Variants in SEC14L1 observed in about 807,000 individuals in gnomAD.
SEC14L1 encodes the protein SEC14 like lipid binding 1.
Under a neutral mutation model 85.3 loss-of-function variants are expected in SEC14L1, and 48 were observed. The ratio of observed to expected loss-of-function variants is 0.56; its 90% confidence interval spans 0.45 to 0.72. SEC14L1 has a LOEUF of 0.72. Ranked by LOEUF, SEC14L1 falls within the 30% of genes least tolerant of loss-of-function variation. The pLI, the probability that SEC14L1 is intolerant of heterozygous loss-of-function variation, is 0.00. For synonymous variants in SEC14L1, 391 were observed against 355.5 expected (o/e 1.10, Z -1.12); for missense variants, 682 against 921.4 (o/e 0.74, Z 3.36).
Position 77,154,351 on chromosome 17 carries a change from G to A in SEC14L1, c.63+10692G>A, listed in dbSNP as rs1025404823. ...TAGCTGGGTGTGGTGGCGCATGCCC[G>A]TAGTCTCAGCTACTCAGGAGACTTG... On this transcript the variant is annotated intron_variant, in intron 3 of 16. Coordinates refer to ENST00000436233, the MANE Select transcript of SEC14L1 (RefSeq NM_001143998.2). Among the ~76,000 whole-genome samples, 8 of 152,176 alleles carry A rather than the reference G, an allele frequency of 5.3e-5. No homozygotes were observed. The East Asian group carries it at 7.7e-4, about 15-fold the overall frequency.
intron 3 of SEC14L1, among the ~76,000 whole-genome samples, chr17:77,105,585 AG>A (rs1971896832): frequency 6.6e-6 from 1 of 152,168 alleles, no homozygotes; most frequent in Non-Finnish European, 1.5e-5. Context: ...CTCCTGTGTC[AG>A]GGAGGAAAAA....
intron 3 of SEC14L1, among the ~76,000 whole-genome samples, chr17:77,100,254 C>T (rs1023413471): frequency 2.6e-5 from 4 of 152,208 alleles, no homozygotes; most frequent in Admixed American, 2.0e-4. Context: ...CCTTCTGCAC[C>T]CTCCGAGCAC....
At chr17:77,119,169 G>A (rs1972241631) in intron 3 of SEC14L1, among the ~76,000 whole-genome samples, 1 of 152,012 alleles carries the variant, frequency 6.6e-6, no homozygotes, top group African/African-American at 2.4e-5. Flanking sequence ...AATTAGCCGA[G>A]TGTGGGCATG....
chr17:77,105,035 C>A (rs1971876621), intron 3 of SEC14L1, among the ~76,000 whole-genome samples: 1 of 152,052 alleles, frequency 6.6e-6, no homozygotes, highest in Non-Finnish European at 1.5e-5. Flanking sequence ...AGGAAGGGAG[C>A]TTCCAGGTCA....
Position 77,215,578 on chromosome 17 carries a change from A to C in SEC14L1, c.*1555A>C, listed in dbSNP as rs1225478828. 1.0e-6 allele frequency: 1 copy of C among 986,836 alleles called. No individual in the cohort carries two copies. Among genetic ancestry groups the C allele is most frequent in the Admixed American group, 6.0e-5 (1 of 16,592 alleles). 61.1% of individuals were successfully genotyped at this position (986,836 alleles called of 1,614,324 possible). ...AGCAGCCCTCTTGCCCGGTCGGGTC[A>C]GCCCTAGTGGCTGCCTGCACACTGT... On this transcript the variant is annotated 3_prime_UTR_variant, in exon 17 of 17. Coordinates refer to ENST00000436233, the MANE Select transcript of SEC14L1 (RefSeq NM_001143998.2).
intron 3 of SEC14L1, among the ~76,000 whole-genome samples, chr17:77,100,395 T>TTTTTC (rs1439736027): frequency 3.4e-5 from 5 of 145,864 alleles, no homozygotes; most frequent in African/African-American, 4.9e-5. Context: ...GGCTTTTTCT[T>TTTTTC]TTTTTTTTTT....
chr17:77,206,093 C>A lies in SEC14L1; in HGVS notation c.1170-136C>A. ...TATAAACAGGGTTCATAGCACTATA[C>A]ATAGCACTATAATTTAAAAAAATTG... is the stretch of plus-strand genomic sequence containing the variant. On this transcript the variant is annotated intron_variant, in intron 11 of 16. Coordinates refer to ENST00000436233, the MANE Select transcript of SEC14L1 (RefSeq NM_001143998.2). The surrounding 1 kb of genome is among the most constrained non-coding windows in gnomAD (Gnocchi z 4.3). 1.3e-6 allele frequency: 1 copy of A among 798,638 alleles called. No individual in the cohort carries two copies. Among genetic ancestry groups the A allele is most frequent in the Non-Finnish European group, 2.0e-6 (1 of 507,414 alleles). The allele number at this position is 798,638 out of a possible 1,614,324, so 49.5% of individuals were successfully genotyped here.
chr17:77,171,571 C>T (rs921384354), intron 3 of SEC14L1, among the ~76,000 whole-genome samples: 1 of 152,164 alleles, frequency 6.6e-6, no homozygotes, highest in African/African-American at 2.4e-5. Context: ...ATTATTATGT[C>T]CCTGTGGACT....
intron 13 of SEC14L1, among the ~76,000 whole-genome samples, chr17:77,208,994 T>C (rs1014223484): frequency 8.0e-5 from 10 of 124,398 alleles, no homozygotes; most frequent in Non-Finnish European, 7.9e-5. Flanking sequence ...GCAAAACTCT[T>C]TTCTTAAAGT....
intron 6 of SEC14L1, among the ~76,000 whole-genome samples, chr17:77,194,247 T>C (rs1000947813): frequency 1.3e-5 from 2 of 152,182 alleles, no homozygotes; most frequent in East Asian, 3.9e-4. Flanking sequence ...AATTCAGTTT[T>C]ATTGGTGTTT....
intron 3 of SEC14L1, among the ~76,000 whole-genome samples, chr17:77,116,021 C>T (rs1251831479): frequency 2.6e-5 from 4 of 151,912 alleles, no homozygotes; most frequent in Admixed American, 6.6e-5. Context: ...TGGGCTCAGG[C>T]GATCCTCCTG....
At chr17:77,092,646 G>A (rs988533922) in intron 2 of SEC14L1, among the ~76,000 whole-genome samples, 2 of 152,100 alleles carry the variant, frequency 1.3e-5, no homozygotes, top group African/African-American at 4.8e-5. Flanking sequence ...ACAGATGACA[G>A]CCTGGAGAAA....
At chr17:77,112,589 G>A (rs868230930) in intron 3 of SEC14L1, among the ~76,000 whole-genome samples, 11 of 152,264 alleles carry the variant, frequency 7.2e-5, no homozygotes, top group Middle Eastern at 6.8e-3. Flanking sequence ...AAGATGAATT[G>A]AAAAGTATTT....
chr17:77,105,529 C>T (rs1971895559), intron 3 of SEC14L1, among the ~76,000 whole-genome samples: 1 of 152,056 alleles, frequency 6.6e-6, no homozygotes, highest in African/African-American at 2.4e-5. Flanking sequence ...TCAGATTAAC[C>T]TCCGAAAGAT....
intron 3 of SEC14L1, among the ~76,000 whole-genome samples, chr17:77,105,376 C>CT (rs1431298467): frequency 1.1e-5 from 1 of 94,626 alleles, no homozygotes; most frequent in Non-Finnish European, 2.1e-5. Context: ...GCTGACCACC[C>CT]CCCCCCCCAC....
At chr17:77,128,389 CATTTTATTTTATTTTATTTTATTTT>C (rs144559197) in intron 3 of SEC14L1, among the ~76,000 whole-genome samples, 30,805 of 129,650 alleles carry the variant, frequency 0.24, 4,277 homozygotes, top group African/African-American at 0.28. Flanking sequence ...CACACTTGAG[CATTTTATTTTATTTTATTTTATTTT>C]ATTTTATTTT....
chr17:77,178,132 T>G (rs1974845698), intron 3 of SEC14L1, among the ~76,000 whole-genome samples: 1 of 144,328 alleles, frequency 6.9e-6, no homozygotes, highest in South Asian at 2.3e-4. Context: ...TTAGGGAAAT[T>G]TATGGCAGAA....
chr17:77,160,741 A>G (rs1974020005), intron 3 of SEC14L1, among the ~76,000 whole-genome samples: 1 of 152,232 alleles, frequency 6.6e-6, no homozygotes, highest in Admixed American at 6.5e-5. Flanking sequence ...TTGATAATCG[A>G]AAAACTACAT....
At chr17:77,120,848 T>C (rs1030040238) in intron 3 of SEC14L1, among the ~76,000 whole-genome samples, 1 of 152,196 alleles carries the variant, frequency 6.6e-6, no homozygotes, top group Non-Finnish European at 1.5e-5. Context: ...GGGGCTCCGA[T>C]GTGTGACTGA....
Sources: gnomAD v4.1 joint callset for allele counts (sites outside exome capture counted in the v4.1 genomes callset) on GRCh38, gnomAD v4.1.1 for gene constraint, Gnocchi (gnomAD v3.1) non-coding constraint, MANE v1.5 for transcripts, NCBI Gene and HGNC (gene_info 2026-07-23, HGNC 2026-07-21) for gene names.